Variants in GRIK5 observed in about 807,000 individuals in gnomAD.
GRIK5 encodes the protein glutamate ionotropic receptor kainate type subunit 5, also known as glutamate receptor ionotropic, kainate 5.
GRIK5 carries 43 observed loss-of-function variants against 97.4 expected under a neutral mutation model. That is an observed-to-expected ratio of 0.44 (90% CI 0.35 to 0.57). The LOEUF is 0.57. Among genes scored for constraint, GRIK5 ranks in the 20% least tolerant of loss-of-function variants. The pLI, the probability that GRIK5 is intolerant of heterozygous loss-of-function variation, is 0.01. For synonymous variants in GRIK5, 580 were observed against 583.5 expected, an observed-to-expected ratio of 0.99 and a Z score of 0.09; for missense variants, 1,015 against 1,382.0, an observed-to-expected ratio of 0.73 and a Z score of 4.21.
At chr19:42,048,636 CAAATAAA>C (rs760903316) in intron 11 of GRIK5, among the ~76,000 whole-genome samples, 13 of 150,852 alleles carry the variant, frequency 8.6e-5, no homozygotes, top group South Asian at 4.2e-4. Flanking sequence ...AAAAAATAAA[CAAATAAA>C]AAATAAAAAA....
chr19:42,005,535 C>T (rs781976571), intron 17 of GRIK5, among the ~76,000 whole-genome samples, 188 bp downstream of exon 17: 23 of 152,216 alleles, frequency 1.5e-4, no homozygotes, highest in Non-Finnish European at 3.1e-4. Context: ...GCTGCTAGGC[C>T]TGGTTTTGCA....
intron 11 of GRIK5, among the ~76,000 whole-genome samples, chr19:42,050,921 T>A (rs2076107119): frequency 6.6e-6 from 1 of 152,084 alleles, no homozygotes. Context: ...CCTTGGGCAC[T>A]GCAAGGGCCT....
At chr19:42,036,253 G>T (rs1325631963) in intron 12 of GRIK5, among the ~76,000 whole-genome samples, 1 of 152,028 alleles carries the variant, frequency 6.6e-6, no homozygotes, top group Non-Finnish European at 1.5e-5. Flanking sequence ...GTAGAGATGG[G>T]GTTTCACCAT....
At chr19:42,050,788 C>T (rs1043110079) in intron 11 of GRIK5, among the ~76,000 whole-genome samples, 14 of 151,710 alleles carry the variant, frequency 9.2e-5, no homozygotes, top group Non-Finnish European at 1.8e-4. Flanking sequence ...TGAGTTTCTT[C>T]ATCCGAAAAT....
At chr19:42,001,298 G>T (rs782049220) in intron 19 of GRIK5, among the ~76,000 whole-genome samples, 44 of 152,082 alleles carry the variant, frequency 2.9e-4, no homozygotes, top group Non-Finnish European at 5.6e-4. Context: ...GTGCAATCTC[G>T]GCTCACTGCA....
intron 15 of GRIK5, among the ~76,000 whole-genome samples, chr19:42,009,071 TAAA>T (rs1157161985): frequency 6.6e-6 from 1 of 151,382 alleles, no homozygotes; most frequent in African/African-American, 2.4e-5. Flanking sequence ...TACAGAAAAA[TAAA>T]AAAATTAGAT....
rs140384857 is a variant in GRIK5, at chr19:42,062,606, G to A, written c.390C>T (p.Tyr130=). 1.4e-4 allele frequency: 224 copies of A among 1,614,070 alleles called. No homozygotes were observed. Among genetic ancestry groups the A allele is most frequent in the Non-Finnish European group, 1.9e-4 (221 of 1,180,036 alleles). ...VGPEETPRLQ[Y]LRFASVSLYP... is the part of the protein sequence containing the mutation. ...ACAGGCTGACAGACGCGAAGCGAAG[G>A]TACTGAAGGCGGGGTGTCTCCTCGG... The change falls in exon 5 of 20, where the codon TAC becomes TAT. Residue 130 remains tyrosine, a synonymous_variant. Coordinates refer to ENST00000593562, the MANE Select transcript of GRIK5 (RefSeq NM_002088.5). The surrounding 1 kb of genome is among the most constrained non-coding windows in gnomAD (Gnocchi z 5.3).
intron 10 of GRIK5, 27 bp downstream of exon 10, chr19:42,053,798 C>G (rs772987449): frequency 2.5e-6 from 4 of 1,569,812 alleles, no homozygotes; most frequent in Non-Finnish European, 1.8e-6. Flanking sequence ...CCCAGCAGGG[C>G]TCTGGCGTCA....
intron 12 of GRIK5, among the ~76,000 whole-genome samples, chr19:42,032,753 A>C (rs2075854580): frequency 6.6e-6 from 1 of 152,178 alleles, no homozygotes; most frequent in South Asian, 2.1e-4. Flanking sequence ...GCCATTCGCC[A>C]GCTGCCCTGG....
At chr19:42,069,199 G>A (rs1314055787) in intron 1 of GRIK5, 42 bp downstream of exon 1, 2 of 358,540 alleles carry the variant, frequency 5.6e-6, no homozygotes, top group Non-Finnish European at 5.0e-6. Context: ...CAGCCTTCCA[G>A]GACCCAGAAC....
At chr19:42,052,222 T>C (rs1162457705) in intron 11 of GRIK5, among the ~76,000 whole-genome samples, 1 of 152,116 alleles carries the variant, frequency 6.6e-6, no homozygotes, top group Admixed American at 6.5e-5. Context: ...GTGAAGACAC[T>C]TGAAGCTCCC....
At position 42,062,601 on chromosome 19, in the gene GRIK5, C is replaced by A. The variant is rs935463254; in HGVS notation, c.395G>T (p.Arg132Leu). The A allele has an allele frequency of 6.2e-7, 1 of 1,614,166 alleles. No homozygotes were observed. Among genetic ancestry groups the A allele is most frequent in the Non-Finnish European group, 8.5e-7 (1 of 1,180,014 alleles). ...GGGGTACAGGCTGACAGACGCGAAG[C>A]GAAGGTACTGAAGGCGGGGTGTCTC... ...PEETPRLQYLRFASVSLYPSN... is the reference protein window; with the variant it reads ...PEETPRLQYLLFASVSLYPSN... The change falls in exon 5 of 20, where the codon CGC becomes CTC. Residue 132 changes from arginine (R) to leucine (L), a missense_variant. Coordinates refer to ENST00000593562, the MANE Select transcript of GRIK5 (RefSeq NM_002088.5). The surrounding 1 kb of genome is among the most constrained non-coding windows in gnomAD (Gnocchi z 5.3).
chr19:42,019,014 C>G (rs1479085937), intron 15 of GRIK5, among the ~76,000 whole-genome samples: 1 of 152,166 alleles, frequency 6.6e-6, no homozygotes, highest in African/African-American at 2.4e-5. Context: ...GAGTGGGCCC[C>G]AGGGCCAAAG....
intron 6 of GRIK5, 102 bp from the exon 7 acceptor site, chr19:42,057,080 G>A: frequency 2.4e-6 from 2 of 835,220 alleles, no homozygotes; most frequent in Non-Finnish European, 4.0e-6. Context: ...GACAGCCCTG[G>A]TGAGAAGACA....
chr19:42,032,645 G>C (rs2146081774), intron 12 of GRIK5, among the ~76,000 whole-genome samples: 1 of 152,290 alleles, frequency 6.6e-6, no homozygotes, highest in Non-Finnish European at 1.5e-5. Flanking sequence ...TGAATTTTAA[G>C]CAGGCATCTC....
chr19:42,022,219 A>G lies in GRIK5; in HGVS notation c.1587+22T>C, dbSNP rs376827477. 17 of 1,563,676 alleles carry G rather than the reference A, an allele frequency of 1.1e-5. No homozygotes were observed. The highest frequency in any genetic ancestry group is 2.2e-5 in the East Asian group (1 of 44,598). ...AGCCTCCATGCCAGGCAAGCAGCCC[A>G]TGGTCTCCAGGGGAACCATACCATG... On this transcript the variant is annotated intron_variant, in intron 13 of 19. Coordinates refer to ENST00000593562, the MANE Select transcript of GRIK5 (RefSeq NM_002088.5). The surrounding 1 kb of genome is among the most constrained non-coding windows in gnomAD (Gnocchi z 4.2).
chr19:42,035,726 T>A (rs1436757308), intron 12 of GRIK5, among the ~76,000 whole-genome samples: 1 of 151,940 alleles, frequency 6.6e-6, no homozygotes, highest in Non-Finnish European at 1.5e-5. Flanking sequence ...ATTAAGAAAT[T>A]TAAAGATGTA....
Position 42,021,135 on chromosome 19 carries a change from C to T in GRIK5, c.1871+166G>A, listed in dbSNP as rs1378186550. The stretch of plus-strand genomic sequence containing the variant: ...TGGCCAAGCTCACATAGCCAGTAAG[C>T]GGCAGAGCTGGAGCTCAGCTCTCCC... On this transcript the variant is annotated intron_variant, in intron 15 of 19. Transcript: ENST00000593562. The surrounding 1 kb of genome is among the most constrained non-coding windows in gnomAD (Gnocchi z 4.2). 6.6e-6 allele frequency among the ~76,000 whole-genome samples: 1 copy of T among 152,198 alleles called. No homozygotes were observed. The highest frequency in any genetic ancestry group is 2.4e-5 in the African/African-American group (1 of 41,436).
chr19:42,041,417 C>A (rs1230787652), intron 12 of GRIK5, among the ~76,000 whole-genome samples: 3 of 152,198 alleles, frequency 2.0e-5, no homozygotes, highest in Non-Finnish European at 4.4e-5. Context: ...AAAAGAGGAA[C>A]TACATTTCAG....
Sources: allele counts gnomAD v4.1 joint callset (sites outside exome capture counted in the v4.1 genomes callset), GRCh38; gene constraint gnomAD v4.1.1; non-coding constraint Gnocchi (gnomAD v3.1); transcripts MANE v1.5; gene names NCBI Gene and HGNC (gene_info 2026-07-23, HGNC 2026-07-21).